The following RHBDF2 variants were observed in gnomAD, a reference collection of about 807,000 sequenced individuals.
The protein encoded by RHBDF2 is inactive rhomboid protein 2.
Under a neutral mutation model 95.2 loss-of-function variants are expected in RHBDF2, and 38 were observed. That is an observed-to-expected ratio of 0.40 (90% CI 0.31 to 0.52). The LOEUF is 0.52. RHBDF2 is among the 20% of genes least tolerant of loss of function. RHBDF2 has a pLI of 0.56. For missense variants in RHBDF2, 863 were observed against 1,137.7 expected (o/e 0.76, Z 3.47); for synonymous variants, 442 against 462.0 (o/e 0.96, Z 0.55).
chr17:76,495,685 C>G (rs1432099323), intron 1 of RHBDF2, among the ~76,000 whole-genome samples: 2 of 152,142 alleles, frequency 1.3e-5, no homozygotes. Flanking sequence ...GCCCAGGGAG[C>G]CGACGGCATC....
At chr17:76,493,840 G>C (rs764348154) in intron 1 of RHBDF2, among the ~76,000 whole-genome samples, 6 of 152,254 alleles carry the variant, frequency 3.9e-5, no homozygotes, top group Admixed American at 6.5e-5. Flanking sequence ...CACGAACAGC[G>C]GGTCCTGGCC....
chr17:76,483,206 A>C (rs116093321), intron 2 of RHBDF2, among the ~76,000 whole-genome samples: 2,569 of 150,886 alleles, frequency 0.017, 91 homozygotes, highest in African/African-American at 0.059. Flanking sequence ...TGAGCCACCA[A>C]GCCCAGCCCA....
intron 2 of RHBDF2, among the ~76,000 whole-genome samples, chr17:76,484,752 T>C (rs537524507): frequency 6.6e-6 from 1 of 152,322 alleles, no homozygotes; most frequent in East Asian, 1.9e-4. Context: ...GTGCCCTTGC[T>C]TACCCCTGAC....
At chr17:76,496,612 T>A (rs985069527) in intron 1 of RHBDF2, among the ~76,000 whole-genome samples, 22 of 152,196 alleles carry the variant, frequency 1.4e-4, no homozygotes, top group African/African-American at 5.1e-4. Context: ...ACAGACATGA[T>A]CTCATTTAGT....
At chr17:76,477,888 C>T (rs976565468) in intron 6 of RHBDF2, 103 bp from the exon 7 acceptor site, 68 of 1,507,614 alleles carry the variant, frequency 4.5e-5, no homozygotes, top group African/African-American at 1.2e-4. Flanking sequence ...CTGCAGGCAG[C>T]GCCTTGGGAG....
At chr17:76,494,315 C>T (rs769012089) in intron 1 of RHBDF2, among the ~76,000 whole-genome samples, 7 of 152,284 alleles carry the variant, frequency 4.6e-5, no homozygotes, top group South Asian at 2.1e-4. Flanking sequence ...CCTGCATCCC[C>T]GAAGCCCAAT....
intron 2 of RHBDF2, among the ~76,000 whole-genome samples, chr17:76,486,952 CTTTTTTTTT>C (rs34202592): frequency 1.4e-5 from 1 of 72,624 alleles, no homozygotes; most frequent in South Asian, 6.2e-4. Context: ...CGCTTCCTGC[CTTTTTTTTT>C]TTTTTTTTTT....
At chr17:76,481,252 G>A in intron 3 of RHBDF2, 123 bp downstream of exon 3, 2 of 1,154,958 alleles carry the variant, frequency 1.7e-6, no homozygotes, top group Non-Finnish European at 2.4e-6. Context: ...GTCAAGGGCT[G>A]CACAGACAGC....
chr17:76,477,705 C>A lies in RHBDF2; in HGVS notation c.753G>T (p.Glu251Asp). ...ACGTGTCTGCCCCATCGACCACATC[C>A]TCCTCCAGGAAGCTCGGGAAGGCAA... ...RSFAFPSFLE[E>D]DVVDGADTFD... The change falls in exon 7 of 19, where the codon GAG becomes GAT. Residue 251 changes from glutamate to aspartate, a missense_variant. This residue lies in a region of RHBDF2 where 611 missense variants were observed against 725.5 expected (regional missense o/e 0.84). Transcript: ENST00000675367. 2 of 1,614,124 alleles carry A rather than the reference C, an allele frequency of 1.2e-6. No individual in the cohort carries two copies. Among genetic ancestry groups the A allele is most frequent in the East Asian group, 2.2e-5 (1 of 44,886 alleles).
At chr17:76,483,346 C>T (rs751787421) in intron 2 of RHBDF2, among the ~76,000 whole-genome samples, 5 of 147,642 alleles carry the variant, frequency 3.4e-5, no homozygotes, top group African/African-American at 1.0e-4. Context: ...AGTGCAGTGG[C>T]GCGATCTCGG....
Position 76,481,491 on chromosome 17 carries a change from A to T in RHBDF2, c.34T>A (p.Ser12Thr), listed in dbSNP as rs771249417. 6 of 1,607,122 alleles carry T rather than the reference A, an allele frequency of 3.7e-6. No homozygotes were observed. Among genetic ancestry groups the T allele is most frequent in the Non-Finnish European group, 5.1e-6 (6 of 1,178,198 alleles). The change falls in exon 3 of 19, where the codon TCC becomes ACC. Residue 12 changes from serine (S) to threonine (T), a missense_variant. Coordinates refer to ENST00000675367, the MANE Select transcript of RHBDF2 (RefSeq NM_001005498.4). The part of the protein sequence containing the change: ...ASADKNGGSV[S>T]SVSSSRLQSR... ...TGCAGGCGGCTGCTGGACACAGAGG[A>T]CACGCTCCCGCCATTCTTGTCAGCA... is the stretch of plus-strand genomic sequence containing the variant.
chr17:76,472,931 G>A, intron 17 of RHBDF2, 74 bp downstream of exon 17: 1 of 1,595,512 alleles, frequency 6.3e-7, no homozygotes, highest in South Asian at 1.1e-5. Context: ...CCCTGGCCCA[G>A]GAACCTTTCC....
intron 2 of RHBDF2, among the ~76,000 whole-genome samples, chr17:76,485,304 G>A (rs1196484175): frequency 1.3e-5 from 2 of 151,900 alleles, no homozygotes; most frequent in Non-Finnish European, 2.9e-5. Context: ...CCAGCTACTC[G>A]GGAGGCTGAG....
chr17:76,484,987 T>C (rs1035586053), intron 2 of RHBDF2, among the ~76,000 whole-genome samples: 1 of 152,194 alleles, frequency 6.6e-6, no homozygotes, highest in African/African-American at 2.4e-5. Context: ...GAGTGGATGA[T>C]GTCACCGGGC....
chr17:76,471,996 G>A lies in RHBDF2; in HGVS notation c.2121C>T (p.Phe707=), dbSNP rs1175120950. The A allele has an allele frequency of 6.3e-7, 1 of 1,576,702 alleles. No homozygotes were observed. The highest frequency in any genetic ancestry group is 2.3e-5 in the East Asian group (1 of 43,304). ...GLLACLFVEL[F]QSWPLLERPW... ...GCCTCTCCAGCAGCGGCCAGCTCTGGAAGAGCTCCACGAAGAGGCAGGCGA... is the reference window on the plus strand; with the variant it reads ...GCCTCTCCAGCAGCGGCCAGCTCTGAAAGAGCTCCACGAAGAGGCAGGCGA... Residue 707 remains phenylalanine (F), a synonymous_variant, in exon 19 of 19, where the codon TTC becomes TTT. Coordinates refer to ENST00000675367, the MANE Select transcript of RHBDF2 (RefSeq NM_001005498.4).
At chr17:76,478,703 T>C (rs2073849458) in intron 6 of RHBDF2, 103 bp downstream of exon 6, 3 of 987,860 alleles carry the variant, frequency 3.0e-6, no homozygotes, top group Non-Finnish European at 4.4e-6. Context: ...CGTAGGCAGA[T>C]GCCCAGGTGA....
At chr17:76,473,605 G>C (rs770029904) in intron 15 of RHBDF2, 43 bp downstream of exon 15, 18 of 1,513,262 alleles carry the variant, frequency 1.2e-5, no homozygotes, top group South Asian at 3.5e-5. Context: ...CCGCAGCTCG[G>C]GGGGGCAGTG....
intron 2 of RHBDF2, among the ~76,000 whole-genome samples, chr17:76,484,582 CCT>C (rs869126949): frequency 2.6e-5 from 3 of 115,628 alleles, no homozygotes; most frequent in Non-Finnish European, 3.9e-5. Context: ...CCTCAAGCCC[CCT>C]GAGACTGATC....
At chr17:76,485,323 A>C (rs556756385) in intron 2 of RHBDF2, among the ~76,000 whole-genome samples, 1 of 151,354 alleles carries the variant, frequency 6.6e-6, no homozygotes, top group African/African-American at 2.4e-5. Context: ...AGGCAGGAGA[A>C]TCGCTTGAAC....
Sources: allele counts gnomAD v4.1 joint callset (sites outside exome capture counted in the v4.1 genomes callset), GRCh38; gene constraint gnomAD v4.1.1; regional missense constraint gnomAD v4.1.1; transcripts MANE v1.5; gene names NCBI Gene and HGNC (gene_info 2026-07-23, HGNC 2026-07-21).